The following TPST1 variants were observed in gnomAD, a reference collection of about 807,000 sequenced individuals.
TPST1 encodes protein-tyrosine sulfotransferase 1.
A neutral mutation model predicts 34.8 loss-of-function variants in TPST1; 20 were observed. The observed-to-expected ratio is 0.57, with a 90% confidence interval of 0.40 to 0.84. The LOEUF is 0.84. Among genes scored for constraint, TPST1 ranks in the 40% least tolerant of loss-of-function variants. TPST1 has a pLI of 0.00. For missense variants in TPST1, 353 were observed against 455.5 expected (o/e 0.78, Z 2.05); for synonymous variants, 152 against 159.4 (o/e 0.95, Z 0.35).
At chr7:66,220,575 C>T (rs1789520840) in intron 1 of TPST1, among the ~76,000 whole-genome samples, 2 of 150,706 alleles carry the variant, frequency 1.3e-5, no homozygotes, top group South Asian at 4.2e-4. Context: ...TGAGAGTCAT[C>T]AGGCAGAGAG....
intron 2 of TPST1, among the ~76,000 whole-genome samples, chr7:66,250,037 C>T (rs148019926): frequency 1.3e-5 from 2 of 152,300 alleles, no homozygotes; most frequent in Non-Finnish European, 2.9e-5. Flanking sequence ...GGTTTTGTAA[C>T]ATTGCATCAA....
intron 3 of TPST1, among the ~76,000 whole-genome samples, chr7:66,320,377 T>G (rs1584237166): frequency 6.8e-6 from 1 of 147,706 alleles, no homozygotes; most frequent in Non-Finnish European, 1.5e-5. Flanking sequence ...CCTCCCGAGT[T>G]GCTGGGACTA....
At chr7:66,307,845 A>C (rs967507348) in intron 3 of TPST1, among the ~76,000 whole-genome samples, 1 of 152,174 alleles carries the variant, frequency 6.6e-6, no homozygotes, top group Non-Finnish European at 1.5e-5. Flanking sequence ...TAAAATAATG[A>C]GTCATTTTGT....
intron 3 of TPST1, among the ~76,000 whole-genome samples, chr7:66,319,025 T>C (rs1486611822): frequency 6.6e-6 from 1 of 152,210 alleles, no homozygotes; most frequent in Non-Finnish European, 1.5e-5. Flanking sequence ...TATAACTGTA[T>C]TTTCCAATTT....
intron 1 of TPST1, among the ~76,000 whole-genome samples, chr7:66,226,266 T>C (rs1789654883): frequency 6.6e-6 from 1 of 152,132 alleles, no homozygotes; most frequent in Admixed American, 6.5e-5. Flanking sequence ...GGATGGGACA[T>C]AGGCAAATCT....
intron 1 of TPST1, among the ~76,000 whole-genome samples, chr7:66,222,774 C>G (rs552853362): frequency 6.6e-6 from 1 of 152,084 alleles, no homozygotes; most frequent in Non-Finnish European, 1.5e-5. Flanking sequence ...GGAAGATGAG[C>G]AGGAGACAGT....
chr7:66,335,454 C>CAA (rs879285004), intron 3 of TPST1, among the ~76,000 whole-genome samples: 1 of 131,778 alleles, frequency 7.6e-6, no homozygotes, highest in Non-Finnish European at 1.6e-5. Context: ...AACTGTGTCT[C>CAA]AAAAAAAAAA....
chr7:66,204,643 A>C (rs1327686827), upstream of TPST1, among the ~76,000 whole-genome samples: 1 of 152,254 alleles, frequency 6.6e-6, no homozygotes, highest in Non-Finnish European at 1.5e-5. Flanking sequence ...AAGAAACTGT[A>C]AAATGAATGG....
chr7:66,315,578 G>A (rs1298577283), intron 3 of TPST1, among the ~76,000 whole-genome samples: 1 of 152,218 alleles, frequency 6.6e-6, no homozygotes, highest in Non-Finnish European at 1.5e-5. Context: ...CAGCACACTA[G>A]CTAAGATTTT....
intron 1 of TPST1, among the ~76,000 whole-genome samples, chr7:66,231,099 C>G (rs935665862): frequency 5.3e-5 from 8 of 152,106 alleles, no homozygotes; most frequent in Admixed American, 4.6e-4. Flanking sequence ...TAAAGGTTCT[C>G]CAAGGCCCCA....
At chr7:66,212,653 T>C (rs768038212) in intron 1 of TPST1, among the ~76,000 whole-genome samples, 2 of 151,956 alleles carry the variant, frequency 1.3e-5, no homozygotes, top group African/African-American at 2.4e-5. Context: ...AGAGACGGGG[T>C]TTCACCATGT....
At chr7:66,275,993 CTT>C (rs1401057553) in intron 2 of TPST1, among the ~76,000 whole-genome samples, 2 of 150,978 alleles carry the variant, frequency 1.3e-5, no homozygotes, top group East Asian at 1.9e-4. Context: ...GTTTAAAAAA[CTT>C]AATTTAAAAA....
chr7:66,239,177 A>G (rs1202870699), intron 1 of TPST1, among the ~76,000 whole-genome samples: 2 of 152,180 alleles, frequency 1.3e-5, no homozygotes, highest in Non-Finnish European at 2.9e-5. Context: ...TTAAAGAGAC[A>G]GGGTCTCAGT....
intron 3 of TPST1, among the ~76,000 whole-genome samples, chr7:66,337,535 C>G (rs370628410): frequency 1.3e-5 from 2 of 151,984 alleles, no homozygotes; most frequent in East Asian, 3.9e-4. Context: ...TCTCGAACTC[C>G]TGACCTCAGG....
intron 3 of TPST1, among the ~76,000 whole-genome samples, chr7:66,313,188 G>C (rs1247164667): frequency 6.6e-6 from 1 of 152,084 alleles, no homozygotes; most frequent in Non-Finnish European, 1.5e-5. Flanking sequence ...GGCCAAGGTG[G>C]GCAGATCACA....
At chr7:66,315,225 C>CAGT (rs1791608821) in intron 3 of TPST1, among the ~76,000 whole-genome samples, 1 of 152,236 alleles carries the variant, frequency 6.6e-6, no homozygotes. Flanking sequence ...GTGAAGCACC[C>CAGT]AGTAACTAGC....
At chr7:66,211,970 GAAAC>G (rs927285501) in intron 1 of TPST1, among the ~76,000 whole-genome samples, 2 of 151,940 alleles carry the variant, frequency 1.3e-5, no homozygotes, top group Non-Finnish European at 2.9e-5. Flanking sequence ...GCCTCAAAAA[GAAAC>G]AAACAAAAAA....
chr7:66,329,650 A>T (rs1791957011), intron 3 of TPST1, among the ~76,000 whole-genome samples: 1 of 152,168 alleles, frequency 6.6e-6, no homozygotes, highest in Admixed American at 6.5e-5. Context: ...TCTAAATATA[A>T]TGCATTAGTT....
chr7:66,254,883 C>T (rs955243855), intron 2 of TPST1, among the ~76,000 whole-genome samples: 4 of 151,974 alleles, frequency 2.6e-5, no homozygotes, highest in Non-Finnish European at 4.4e-5. Context: ...CGTGGTGGCT[C>T]ACGCCTGTAA....
Sources: allele counts gnomAD v4.1 joint callset (sites outside exome capture counted in the v4.1 genomes callset), GRCh38; gene constraint gnomAD v4.1.1; transcripts MANE v1.5; gene names NCBI Gene and HGNC (gene_info 2026-07-23, HGNC 2026-07-21).